Variants in CAMKK2 observed in about 807,000 individuals in gnomAD.
The protein encoded by CAMKK2 is calcium/calmodulin-dependent protein kinase kinase 2.
A neutral mutation model predicts 67.2 loss-of-function variants in CAMKK2; 30 were observed. The ratio of observed to expected loss-of-function variants is 0.45; its 90% confidence interval spans 0.33 to 0.61. CAMKK2 has a LOEUF of 0.61. CAMKK2 is among the 20% of genes least tolerant of loss of function. The pLI, the probability that CAMKK2 is intolerant of heterozygous loss-of-function variation, is 0.02. For synonymous variants in CAMKK2, 322 were observed against 326.2 expected (o/e 0.99, Z 0.14); for missense variants, 643 against 802.0 (o/e 0.80, Z 2.39).
intron 16 of CAMKK2, among the ~76,000 whole-genome samples, chr12:121,242,342 CA>C (rs111365408): frequency 1.9e-3 from 245 of 126,378 alleles, no homozygotes; most frequent in Admixed American, 2.0e-3. Flanking sequence ...GACCCTGTCT[CA>C]AAAAAAAAAA....
At position 121,253,460 on chromosome 12, in the gene CAMKK2, T is replaced by C. The variant is rs192796956; in HGVS notation, c.920A>G (p.Lys307Arg). ...AGGTTTGATGTCACGGTGGATGATC[T>C]TCTGGTAGTGTACTGGGGAGGCGTA... is the stretch of plus-strand genomic sequence containing the variant. ...IKGIEYLHYQKIIHRDIKPSN... is the reference protein window; with the variant it reads ...IKGIEYLHYQRIIHRDIKPSN... Residue 307 changes from lysine (K) to arginine (R), a missense_variant, in exon 10 of 17, where the codon AAG becomes AGG. Physicochemically the swap from Lys to Arg is conservative, Grantham distance 26. Around this residue, in one of 3 missense-constraint regions of CAMKK2, gnomAD observed 483 missense variants for 625.8 expected, o/e 0.77. Transcript: ENST00000404169. This position sits in a 1 kb window ranked among gnomAD's most constrained non-coding sequence, Gnocchi z 5.0. 4 of 1,614,142 alleles carry C rather than the reference T, an allele frequency of 2.5e-6. No homozygotes were observed. The East Asian group carries it at 8.9e-5, about 36-fold the overall frequency.
intron 16 of CAMKK2, among the ~76,000 whole-genome samples, chr12:121,241,821 C>T (rs1200453328): frequency 2.0e-5 from 3 of 152,368 alleles, no homozygotes; most frequent in South Asian, 2.1e-4. Context: ...TCTCTGCCCT[C>T]GCAGTTGCCT....
intron 5 of CAMKK2, 108 bp from the exon 6 acceptor site, chr12:121,264,047 A>G: frequency 9.1e-7 from 1 of 1,103,836 alleles, no homozygotes; most frequent in Non-Finnish European, 1.2e-6. Context: ...GCCACTCTGC[A>G]GGGCTGGAGT....
intron 6 of CAMKK2, chr12:121,260,675 G>A: frequency 1.9e-6 from 1 of 514,888 alleles, no homozygotes; most frequent in East Asian, 3.5e-5. Flanking sequence ...ATCTCCGGCT[G>A]GGCGCAGTGG....
chr12:121,270,770 C>T (rs943685902), intron 3 of CAMKK2, 128 bp downstream of exon 3: 5 of 678,252 alleles, frequency 7.4e-6, no homozygotes, highest in African/African-American at 7.2e-5. Flanking sequence ...TCATTAATGA[C>T]AAAACCCTCT....
In CAMKK2 at chr12:121,265,098, G is replaced by T. The variant is rs527665179; in HGVS notation, c.626-1159C>A. 3.9e-5 allele frequency among the ~76,000 whole-genome samples: 6 copies of T among 152,298 alleles called. No individual in the cohort carries two copies. The East Asian group carries it at 1.2e-3, about 29-fold the overall frequency. ...AGAAAGGAGAGGCACTCAGGCCACC[G>T]CTTGATCCTGCAGTAAACAATAGGC... On this transcript the variant is annotated intron_variant, in intron 5 of 16. Transcript: ENST00000404169.
chr12:121,282,560 C>CACGGAGATGGAG (rs912539941), intron 1 of CAMKK2, among the ~76,000 whole-genome samples: 1 of 152,008 alleles, frequency 6.6e-6, no homozygotes, highest in Non-Finnish European at 1.5e-5. Flanking sequence ...GGGAAGGCCA[C>CACGGAGATGGAG]ACGGAGATGG....
At chr12:121,267,149 G>A (rs111378989) in intron 5 of CAMKK2, among the ~76,000 whole-genome samples, 2,815 of 122,110 alleles carry the variant, frequency 0.023, 108 homozygotes, top group African/African-American at 0.085. Flanking sequence ...TCAGTCTGTC[G>A]TCCAGGCTGG....
chr12:121,268,487 C>A (rs1218259981), intron 5 of CAMKK2, 151 bp downstream of exon 5: 4 of 741,820 alleles, frequency 5.4e-6, no homozygotes, highest in South Asian at 1.5e-5. Flanking sequence ...CTCCTCCTCC[C>A]AGGTTCAAGC....
intron 6 of CAMKK2, 147 bp from the exon 7 acceptor site, chr12:121,260,502 G>A: frequency 1.4e-6 from 1 of 695,806 alleles, no homozygotes; most frequent in South Asian, 1.6e-5. Context: ...CAGTTAAGAT[G>A]GAAGATAGGG....
intron 1 of CAMKK2, among the ~76,000 whole-genome samples, chr12:121,294,289 G>A (rs1269414796): frequency 1.3e-5 from 2 of 151,960 alleles, no homozygotes; most frequent in African/African-American, 2.4e-5. Flanking sequence ...CACTTTAGTA[G>A]GCATCCCTGA....
intron 3 of CAMKK2, 69 bp downstream of exon 3, chr12:121,270,829 C>G (rs1429741768): frequency 7.9e-7 from 1 of 1,267,772 alleles, no homozygotes; most frequent in Non-Finnish European, 1.2e-6. Context: ...AGCTTTACCC[C>G]GTTCCCTCCA....
intron 16 of CAMKK2, among the ~76,000 whole-genome samples, 192 bp downstream of exon 16, chr12:121,244,381 C>T (rs568963091): frequency 6.6e-6 from 1 of 152,228 alleles, no homozygotes; most frequent in Non-Finnish European, 1.5e-5. Flanking sequence ...ACATGCATGA[C>T]CCACCATTGG....
intron 1 of CAMKK2, 137 bp from the exon 2 acceptor site, chr12:121,274,722 G>A: frequency 3.4e-6 from 2 of 584,596 alleles, no homozygotes; most frequent in South Asian, 2.2e-5. Flanking sequence ...AAAACATGGT[G>A]TGATCTGATC....
Position 121,255,555 on chromosome 12 carries a change from T to C in CAMKK2, c.902A>G (p.Glu301Gly), listed in dbSNP as rs1262075225. The change falls in exon 9 of 17, where the codon GAG (glutamate) becomes GGG (glycine). Residue 301 changes from glutamate to glycine, a missense_variant. Around this residue, in one of 3 missense-constraint regions of CAMKK2, gnomAD observed 483 missense variants for 625.8 expected, o/e 0.77. Transcript: ENST00000404169. ...FYFQDLIKGI[E>G]YLHYQKIIHR... ...CTCCCGCAGGCCCTGCTCACAGTAC[T>C]CGATGCCTTTGATCAGATCCTGGAA... The C allele has an allele frequency of 6.2e-7, 1 of 1,610,068 alleles. No homozygotes were observed. Among genetic ancestry groups the C allele is most frequent in the Admixed American group, 1.7e-5 (1 of 59,274 alleles).
chr12:121,293,002 G>A (rs1416418984), intron 1 of CAMKK2, among the ~76,000 whole-genome samples: 2 of 151,310 alleles, frequency 1.3e-5, no homozygotes, highest in African/African-American at 2.4e-5. Flanking sequence ...AAAGCTGGGC[G>A]CCGTGGCTCA....
intron 1 of CAMKK2, among the ~76,000 whole-genome samples, chr12:121,293,656 G>T (rs886867012): frequency 1.3e-5 from 2 of 151,732 alleles, no homozygotes; most frequent in South Asian, 4.2e-4. Context: ...TTCTCAAAGA[G>T]GAAACCCCCG....
chr12:121,282,045 T>C (rs1246488804), intron 1 of CAMKK2, among the ~76,000 whole-genome samples: 1 of 152,052 alleles, frequency 6.6e-6, no homozygotes, highest in Non-Finnish European at 1.5e-5. Context: ...CACTTTAGAT[T>C]TGAAGGGAGG....
chr12:121,286,736 C>T (rs1453040152), intron 1 of CAMKK2, among the ~76,000 whole-genome samples: 2 of 152,122 alleles, frequency 1.3e-5, no homozygotes, highest in African/African-American at 2.4e-5. Flanking sequence ...ATCCCTGTTC[C>T]ACCAGTGGGG....
Sources: gnomAD v4.1 joint callset for allele counts (sites outside exome capture counted in the v4.1 genomes callset) on GRCh38, gnomAD v4.1.1 for gene constraint, gnomAD v4.1.1 regional missense constraint, Gnocchi (gnomAD v3.1) non-coding constraint, MANE v1.5 for transcripts, NCBI Gene and HGNC (gene_info 2026-07-23, HGNC 2026-07-21) for gene names.